The following ZNRF3 variants were observed in gnomAD, a reference collection of about 807,000 sequenced individuals.
ZNRF3 encodes the protein E3 ubiquitin-protein ligase ZNRF3.
ZNRF3 carries 23 observed loss-of-function variants against 72.5 expected under a neutral mutation model. That is an observed-to-expected ratio of 0.32 (90% confidence interval 0.23 to 0.45). The LOEUF (loss-of-function observed/expected upper bound fraction) is 0.45. Ranked by LOEUF, ZNRF3 falls within the 20% of genes least tolerant of loss-of-function variation. The pLI, the probability that ZNRF3 is intolerant of heterozygous loss-of-function variation, is 1.00. For missense variants in ZNRF3, 1,169 were observed against 1,272.1 expected, an observed-to-expected ratio of 0.92 and a Z score of 1.23; for synonymous variants, 610 against 545.3, an observed-to-expected ratio of 1.12 and a Z score of -1.65.
chr22:28,932,864 C>A (rs373388951), intron 1 of ZNRF3, among the ~76,000 whole-genome samples: 1 of 152,196 alleles, frequency 6.6e-6, no homozygotes, highest in South Asian at 2.1e-4. Flanking sequence ...CTTCTTGATA[C>A]CAGCAGTGAA....
At chr22:28,989,653 C>T (rs901426533) in intron 2 of ZNRF3, among the ~76,000 whole-genome samples, 13 of 152,144 alleles carry the variant, frequency 8.5e-5, no homozygotes, top group Non-Finnish European at 1.8e-4. Flanking sequence ...GAGCTCCTTC[C>T]TGTGGATGTT....
intron 1 of ZNRF3, among the ~76,000 whole-genome samples, chr22:28,909,976 A>G (rs1405871106): frequency 6.6e-6 from 1 of 151,602 alleles, no homozygotes; most frequent in African/African-American, 2.4e-5. Context: ...CTGGCCTCAA[A>G]TGATCTTCCT....
In ZNRF3 at chr22:29,056,108, T is replaced by TC. The variant is rs2037292877; in HGVS notation, c.*2486_*2487insC. ...AAATACCAAATACCAACCATTGCCT[T>TC]TTTTTTTTTTGAGATGGAATTTTGC... On this transcript the variant is annotated 3_prime_UTR_variant, in exon 9 of 9. Coordinates refer to ENST00000544604, the MANE Select transcript of ZNRF3 (RefSeq NM_001206998.2). The TC allele has an allele frequency of 6.7e-6, 1 of 150,022 alleles. No individual in the cohort carries two copies. The highest frequency in any genetic ancestry group is 6.6e-5 in the Admixed American group (1 of 15,054). The allele number at this position is 150,022 out of a possible 1,614,324, so 9.3% of individuals were successfully genotyped here. A position where few individuals can be genotyped will look rare whatever the true frequency, so the allele number is the denominator to read the frequency against.
At chr22:28,919,424 CT>C (rs946114379) in intron 1 of ZNRF3, among the ~76,000 whole-genome samples, 33 of 152,160 alleles carry the variant, frequency 2.2e-4, no homozygotes, top group African/African-American at 7.7e-4. Context: ...TGCTGTTGTC[CT>C]CATTGAATAG....
chr22:28,910,841 G>C (rs2034303415), intron 1 of ZNRF3, among the ~76,000 whole-genome samples: 1 of 152,316 alleles, frequency 6.6e-6, no homozygotes, highest in East Asian at 1.9e-4. Context: ...ATTTGCTCCT[G>C]CTGGCTCTTG....
chr22:29,002,173 A>G lies in ZNRF3; in HGVS notation c.426+14972A>G, dbSNP rs532022366. Among the ~76,000 whole-genome samples the G allele has an allele frequency of 2.4e-4, 37 of 152,266 alleles. No homozygotes were observed. The South Asian group carries it at 3.1e-3, about 13-fold the overall frequency. On this transcript the variant is annotated intron_variant, in intron 2 of 8. Coordinates refer to ENST00000544604, the MANE Select transcript of ZNRF3 (RefSeq NM_001206998.2). ...TCAGGATTCCTTCAATTTCAGCTCA[A>G]TAGCAGAGTGGCTGGTTAAAAATGT... is the stretch of plus-strand genomic sequence containing the variant.
intron 1 of ZNRF3, among the ~76,000 whole-genome samples, chr22:28,965,194 C>T (rs547851517): frequency 1.3e-5 from 2 of 152,104 alleles, no homozygotes; most frequent in Non-Finnish European, 2.9e-5. Flanking sequence ...CAGCCACACA[C>T]GAGGACACTA....
chr22:28,940,521 A>G (rs1020649338), intron 1 of ZNRF3, among the ~76,000 whole-genome samples: 6 of 140,298 alleles, frequency 4.3e-5, no homozygotes, highest in Non-Finnish European at 9.1e-5. Context: ...TTTCTTAAAT[A>G]GGAGATTGCT....
At chr22:28,952,707 G>A (rs969592332) in intron 1 of ZNRF3, among the ~76,000 whole-genome samples, 1 of 151,958 alleles carries the variant, frequency 6.6e-6, no homozygotes, top group Non-Finnish European at 1.5e-5. Flanking sequence ...TTCTGGTGTC[G>A]AGCTTTGACA....
intron 1 of ZNRF3, among the ~76,000 whole-genome samples, chr22:28,937,342 G>A (rs972879212): frequency 5.3e-5 from 8 of 151,012 alleles, no homozygotes; most frequent in South Asian, 2.1e-4. Flanking sequence ...TGGTGGCTGC[G>A]GCTGGGGACT....
intron 1 of ZNRF3, among the ~76,000 whole-genome samples, chr22:28,909,996 C>T (rs989604317): frequency 6.6e-5 from 10 of 151,838 alleles, no homozygotes; most frequent in African/African-American, 2.4e-4. Context: ...TGCCACTGCA[C>T]CTGGCCTGAT....
At chr22:28,973,326 A>G (rs1399007489) in intron 1 of ZNRF3, among the ~76,000 whole-genome samples, 4 of 152,038 alleles carry the variant, frequency 2.6e-5, no homozygotes, top group Admixed American at 2.0e-4. Flanking sequence ...AAAAGTTTTT[A>G]ATTTTGATGA....
At chr22:28,959,345 T>C (rs1187965662) in intron 1 of ZNRF3, among the ~76,000 whole-genome samples, 3 of 152,192 alleles carry the variant, frequency 2.0e-5, no homozygotes, top group African/African-American at 7.2e-5. Flanking sequence ...TTTTCTTCTG[T>C]CTTTCTGGAG....
At chr22:29,013,038 T>G (rs748455355) in intron 2 of ZNRF3, among the ~76,000 whole-genome samples, 5 of 152,202 alleles carry the variant, frequency 3.3e-5, no homozygotes, top group Non-Finnish European at 7.3e-5. Flanking sequence ...AACAGACTGA[T>G]AGGTTCCTGA....
intron 1 of ZNRF3, among the ~76,000 whole-genome samples, chr22:28,898,199 C>T (rs550342090): frequency 6.6e-6 from 1 of 152,072 alleles, no homozygotes; most frequent in South Asian, 2.1e-4. Context: ...CTATGCACCT[C>T]GGCCTCCCAA....
chr22:28,941,803 C>T (rs554222079), intron 1 of ZNRF3, among the ~76,000 whole-genome samples: 46 of 152,004 alleles, frequency 3.0e-4, no homozygotes, highest in Middle Eastern at 3.4e-3. Context: ...CCCAGCTACT[C>T]GGGAGGCTGA....
intron 2 of ZNRF3, among the ~76,000 whole-genome samples, chr22:28,998,995 A>G (rs369971621): frequency 2.6e-5 from 4 of 152,014 alleles, no homozygotes; most frequent in African/African-American, 9.7e-5. Context: ...TAGAGATGGT[A>G]TGACTGGCCA....
At chr22:28,907,037 C>T (rs1208357573) in intron 1 of ZNRF3, among the ~76,000 whole-genome samples, 1 of 149,240 alleles carries the variant, frequency 6.7e-6, no homozygotes, top group Admixed American at 6.7e-5. Flanking sequence ...GGCTGGAGTG[C>T]AGGGGCACCA....
At chr22:28,937,977 C>T (rs556649685) in intron 1 of ZNRF3, among the ~76,000 whole-genome samples, 4 of 152,152 alleles carry the variant, frequency 2.6e-5, no homozygotes, top group Non-Finnish European at 5.9e-5. Flanking sequence ...TAATATCTTA[C>T]ACTATTATGG....
Sources: allele counts gnomAD v4.1 joint callset (sites outside exome capture counted in the v4.1 genomes callset), GRCh38; gene constraint gnomAD v4.1.1; transcripts MANE v1.5; gene names NCBI Gene and HGNC (gene_info 2026-07-23, HGNC 2026-07-21).